The following AGBL4 variants were observed in gnomAD, a reference collection of about 807,000 sequenced individuals.
AGBL4 encodes cytosolic carboxypeptidase 6.
A neutral mutation model predicts 66.4 loss-of-function variants in AGBL4; 58 were observed. That is an observed-to-expected ratio of 0.87 (90% CI 0.71 to 1.09). The LOEUF is 1.09. AGBL4 is among the 50% of genes least tolerant of loss of function. The probability of loss-of-function intolerance (pLI) is 0.00; values close to 1 mark genes in which losing one functional copy is unlikely to be tolerated. For synonymous variants in AGBL4, 234 were observed against 222.9 expected (o/e 1.05, Z -0.44); for missense variants, 579 against 631.0 (o/e 0.92, Z 0.88).
chr1:49,147,705 C>A (rs1646245477), intron 4 of AGBL4, among the ~76,000 whole-genome samples: 2 of 152,004 alleles, frequency 1.3e-5, no homozygotes, highest in African/African-American at 2.4e-5. Context: ...AGGAAAGAAG[C>A]CTAATTATAG....
At chr1:48,935,885 G>T (rs1429438210) in intron 5 of AGBL4, among the ~76,000 whole-genome samples, 1 of 148,406 alleles carries the variant, frequency 6.7e-6, no homozygotes, top group Non-Finnish European at 1.5e-5. Flanking sequence ...CTTGAACCTG[G>T]GAGGCGGACG....
chr1:49,325,920 T>G (rs1353404033), intron 3 of AGBL4, among the ~76,000 whole-genome samples: 1 of 152,238 alleles, frequency 6.6e-6, no homozygotes, highest in Non-Finnish European at 1.5e-5. Context: ...CTTTTCAGTC[T>G]GCCTTTGCCT....
intron 5 of AGBL4, among the ~76,000 whole-genome samples, chr1:48,894,107 T>C (rs1263247850): frequency 6.6e-6 from 1 of 152,232 alleles, no homozygotes. Flanking sequence ...GACTTCAAAA[T>C]GTGCAAACCC....
intron 5 of AGBL4, among the ~76,000 whole-genome samples, chr1:48,914,881 A>G (rs965430860): frequency 3.3e-5 from 5 of 152,148 alleles, no homozygotes; most frequent in Non-Finnish European, 7.3e-5. Flanking sequence ...TTGAGCCAAG[A>G]ACTTTCATAT....
intron 2 of AGBL4, among the ~76,000 whole-genome samples, chr1:49,819,353 C>A (rs534046288): frequency 4.1e-4 from 62 of 152,274 alleles, no homozygotes; most frequent in African/African-American, 1.4e-3. Context: ...TATCAGAACT[C>A]TTTTTATTTT....
At chr1:48,932,202 C>CATA (rs1257662550) in intron 5 of AGBL4, among the ~76,000 whole-genome samples, 1 of 152,174 alleles carries the variant, frequency 6.6e-6, no homozygotes, top group Non-Finnish European at 1.5e-5. Context: ...GATGGTACAG[C>CATA]ATGTCTTCCC....
chr1:49,836,771 T>G (rs1034310701), intron 2 of AGBL4, among the ~76,000 whole-genome samples: 3 of 152,242 alleles, frequency 2.0e-5, no homozygotes, highest in African/African-American at 7.2e-5. Flanking sequence ...TGTGTGGATG[T>G]CCTTTTTGTT....
chr1:48,737,037 A>G (rs1214749389), intron 6 of AGBL4, among the ~76,000 whole-genome samples: 1 of 152,142 alleles, frequency 6.6e-6, no homozygotes, highest in Non-Finnish European at 1.5e-5. Flanking sequence ...TAATCCCAGC[A>G]CTTTGGGAGG....
intron 4 of AGBL4, among the ~76,000 whole-genome samples, chr1:49,112,711 C>T (rs1242191422): frequency 6.6e-6 from 1 of 152,124 alleles, no homozygotes; most frequent in African/African-American, 2.4e-5. Flanking sequence ...CTTTGCTCAT[C>T]AATAAGAAGC....
intron 7 of AGBL4, among the ~76,000 whole-genome samples, chr1:48,654,750 G>A (rs1008308143): frequency 1.1e-4 from 17 of 152,246 alleles, no homozygotes; most frequent in Admixed American, 1.0e-3. Flanking sequence ...GCTGTGACCA[G>A]TGAGGGACAT....
At chr1:48,618,471 T>G (rs887110811) in intron 9 of AGBL4, among the ~76,000 whole-genome samples, 1 of 152,158 alleles carries the variant, frequency 6.6e-6, no homozygotes, top group Admixed American at 6.5e-5. Flanking sequence ...AGCAAGCCAT[T>G]GCCCTGCCCT....
At chr1:48,840,905 A>G (rs1191956320) in intron 6 of AGBL4, among the ~76,000 whole-genome samples, 2 of 152,070 alleles carry the variant, frequency 1.3e-5, no homozygotes, top group Admixed American at 1.3e-4. Context: ...CATCTATACA[A>G]TTGAATAATA....
At chr1:49,616,556 G>A (rs1645253196) in intron 3 of AGBL4, among the ~76,000 whole-genome samples, 1 of 152,082 alleles carries the variant, frequency 6.6e-6, no homozygotes, top group Non-Finnish European at 1.5e-5. Flanking sequence ...AATACCATAG[G>A]TGTACATTGA....
At chr1:49,546,297 A>G (rs1652477612) in intron 3 of AGBL4, among the ~76,000 whole-genome samples, 1 of 150,884 alleles carries the variant, frequency 6.6e-6, no homozygotes, top group Admixed American at 6.6e-5. Flanking sequence ...ATATATATGT[A>G]TATGTATTTA....
chr1:49,011,886 T>G (rs1421686036), intron 5 of AGBL4, among the ~76,000 whole-genome samples: 5 of 92,550 alleles, frequency 5.4e-5, no homozygotes, highest in Admixed American at 1.2e-4. Flanking sequence ...TGTTGTGGGG[T>G]GGGGGGTGGG....
chr1:49,378,035 C>T lies in AGBL4; in HGVS notation c.283-132171G>A, dbSNP rs538612993. 3.4e-5 allele frequency among the ~76,000 whole-genome samples: 5 copies of T among 145,746 alleles called. No individual in the cohort carries two copies. In the South Asian group the frequency reaches 1.0e-3, roughly 30 times the overall value. Reference sequence around the variant, plus strand: ...AAACTTCATGCCTTGTCTCCCAACACAAACTTCATGCCATGTCTCCCAACA... The same window carrying T: ...AAACTTCATGCCTTGTCTCCCAACATAAACTTCATGCCATGTCTCCCAACA... On this transcript the variant is annotated intron_variant, in intron 3 of 13. Coordinates refer to ENST00000371839, the MANE Select transcript of AGBL4 (RefSeq NM_032785.4).
chr1:49,132,880 C>T (rs1275383738), intron 4 of AGBL4, among the ~76,000 whole-genome samples: 1 of 152,168 alleles, frequency 6.6e-6, no homozygotes, highest in Non-Finnish European at 1.5e-5. Flanking sequence ...CCAGCAATCC[C>T]ATTACTGGGA....
chr1:48,577,466 A>G (rs1236363450), intron 11 of AGBL4, among the ~76,000 whole-genome samples: 1 of 152,216 alleles, frequency 6.6e-6, no homozygotes, highest in Non-Finnish European at 1.5e-5. Flanking sequence ...CTCTGCTGAC[A>G]GTAATATTAA....
chr1:49,816,734 C>G (rs1047103725), intron 2 of AGBL4, among the ~76,000 whole-genome samples: 2 of 152,082 alleles, frequency 1.3e-5, no homozygotes, highest in African/African-American at 4.8e-5. Context: ...GACTAGTGAC[C>G]AGGGTTTGTC....
Sources: gnomAD v4.1 joint callset for allele counts (sites outside exome capture counted in the v4.1 genomes callset) on GRCh38, gnomAD v4.1.1 for gene constraint, MANE v1.5 for transcripts, NCBI Gene and HGNC (gene_info 2026-07-23, HGNC 2026-07-21) for gene names.